SLC24A3: variants seen among roughly 807,000 people sequenced by gnomAD.
SLC24A3 encodes the protein solute carrier family 24 member 3, also known as sodium/potassium/calcium exchanger 3.
SLC24A3 carries 28 observed loss-of-function variants against 75.8 expected under a neutral mutation model. That is an observed-to-expected ratio of 0.37 (90% confidence interval 0.27 to 0.51). The LOEUF is 0.51. Among genes scored for constraint, SLC24A3 ranks in the 20% least tolerant of loss-of-function variants. The probability of loss-of-function intolerance (pLI) is 0.94; values close to 1 mark genes in which losing one functional copy is unlikely to be tolerated. For missense variants in SLC24A3, 663 were observed against 847.8 expected, an observed-to-expected ratio of 0.78 and a Z score of 2.71; for synonymous variants, 372 against 334.1, an observed-to-expected ratio of 1.11 and a Z score of -1.24.
At chr20:19,559,381 G>T (rs2030838438) in intron 3 of SLC24A3, among the ~76,000 whole-genome samples, 1 of 152,162 alleles carries the variant, frequency 6.6e-6, no homozygotes, top group African/African-American at 2.4e-5. Flanking sequence ...TACATAGCTT[G>T]TGCTTATTTT....
At chr20:19,342,653 C>CT (rs1235863367) in intron 2 of SLC24A3, among the ~76,000 whole-genome samples, 3 of 152,176 alleles carry the variant, frequency 2.0e-5, no homozygotes, top group African/African-American at 4.8e-5. Flanking sequence ...GAAGGAGTGT[C>CT]TTTTTATTTT....
intron 3 of SLC24A3, among the ~76,000 whole-genome samples, chr20:19,561,044 C>T (rs766310229): frequency 9.9e-5 from 15 of 152,160 alleles, no homozygotes; most frequent in Non-Finnish European, 1.9e-4. Context: ...GCATCTTGAG[C>T]TCCTGTAAGC....
intron 1 of SLC24A3, among the ~76,000 whole-genome samples, chr20:19,228,642 C>T (rs1981934473): frequency 6.7e-6 from 1 of 148,980 alleles, no homozygotes; most frequent in African/African-American, 2.5e-5. Flanking sequence ...TAGACTCCGT[C>T]TCAAAAAAAA....
chr20:19,326,353 T>G (rs1470643931), intron 2 of SLC24A3, among the ~76,000 whole-genome samples: 1 of 152,016 alleles, frequency 6.6e-6, no homozygotes, highest in African/African-American at 2.4e-5. Flanking sequence ...GGGGACTTGA[T>G]GGGGACTATG....
intron 7 of SLC24A3, among the ~76,000 whole-genome samples, chr20:19,659,630 C>T (rs1030365752): frequency 3.9e-5 from 6 of 152,194 alleles, no homozygotes; most frequent in African/African-American, 1.4e-4. Flanking sequence ...GTGAGTCCCA[C>T]GTTAGAGATG....
chr20:19,697,119 C>T (rs1192913531), intron 14 of SLC24A3, among the ~76,000 whole-genome samples: 1 of 151,900 alleles, frequency 6.6e-6, no homozygotes, highest in Non-Finnish European at 1.5e-5. Context: ...CTGGGGGACC[C>T]ACCTGGTAAT....
Position 19,281,039 on chromosome 20 carries a change from A to C in SLC24A3, c.223A>C (p.Thr75Pro). The C allele has an allele frequency of 6.2e-7, 1 of 1,614,164 alleles. No homozygotes were observed. Among genetic ancestry groups the C allele is most frequent in the Non-Finnish European group, 8.5e-7 (1 of 1,180,024 alleles). The change falls in exon 2 of 17, where the codon ACT (threonine) becomes CCT (proline). Residue 75 changes from threonine (T) to proline (P), a missense_variant. Thr to Pro is a conservative substitution (Grantham distance 38, BLOSUM62 -1). This residue lies in a region of SLC24A3 where 153 missense variants were observed against 144.2 expected (regional missense o/e 1.06). Coordinates refer to ENST00000328041, the MANE Select transcript of SLC24A3 (RefSeq NM_020689.4). Reference sequence around the variant, plus strand: ...GCTGATGCAGGTGAACGACACTCTGACTTCCGAAGATGCCGGACTCCGGAA... The same window carrying C: ...GCTGATGCAGGTGAACGACACTCTGCCTTCCGAAGATGCCGGACTCCGGAA... ...RKLMQVNDTLTSEDAGLRNSK... is the reference protein window; with the variant it reads ...RKLMQVNDTLPSEDAGLRNSK...
chr20:19,262,814 A>G (rs1428317468), intron 1 of SLC24A3, among the ~76,000 whole-genome samples: 1 of 152,110 alleles, frequency 6.6e-6, no homozygotes, highest in African/African-American at 2.4e-5. Context: ...TCTGAATGTA[A>G]TACAGCTCTA....
At chr20:19,326,458 G>A (rs976278714) in intron 2 of SLC24A3, among the ~76,000 whole-genome samples, 1 of 152,188 alleles carries the variant, frequency 6.6e-6, no homozygotes, top group Non-Finnish European at 1.5e-5. Flanking sequence ...GGAAGCCAGA[G>A]GGGAAAGGAG....
At chr20:19,309,292 T>C (rs1381337345) in intron 2 of SLC24A3, among the ~76,000 whole-genome samples, 1 of 152,226 alleles carries the variant, frequency 6.6e-6, no homozygotes, top group Non-Finnish European at 1.5e-5. Flanking sequence ...TCACTGAATA[T>C]GGGCTTCCTC....
chr20:19,388,742 TC>T (rs1237072105), intron 2 of SLC24A3, among the ~76,000 whole-genome samples: 1 of 152,244 alleles, frequency 6.6e-6, no homozygotes, highest in Non-Finnish European at 1.5e-5. Context: ...TCTTTTTCCA[TC>T]TTTTCACTTT....
At chr20:19,491,732 A>G (rs1988211879) in intron 2 of SLC24A3, among the ~76,000 whole-genome samples, 1 of 152,206 alleles carries the variant, frequency 6.6e-6, no homozygotes, top group Non-Finnish European at 1.5e-5. Flanking sequence ...ATGCTGGGAA[A>G]GGAGTGGGAG....
At chr20:19,404,205 G>T (rs1600467036) in intron 2 of SLC24A3, among the ~76,000 whole-genome samples, 1 of 152,144 alleles carries the variant, frequency 6.6e-6, no homozygotes, top group South Asian at 2.1e-4. Context: ...TGTGTGTCAG[G>T]TACTCTCCTG....
intron 2 of SLC24A3, among the ~76,000 whole-genome samples, chr20:19,466,682 C>T (rs1486159603): frequency 1.4e-5 from 2 of 147,050 alleles, no homozygotes; most frequent in East Asian, 3.9e-4. Context: ...TAGGGGCTTT[C>T]AGTTTCTGAG....
rs1327226297 is a variant in SLC24A3 at position 19,452,912 on chromosome 20, G to A, written c.272-62576G>A. On this transcript the variant is annotated intron_variant, in intron 2 of 16. Transcript: ENST00000328041. ...AATATTAGCCACCTGTACCAGGCGC[G>A]GTGGCTCACGCCTATAATCCCAGCA... Among the ~76,000 whole-genome samples, 5 of 152,202 alleles carry A rather than the reference G, an allele frequency of 3.3e-5. No homozygotes were observed. In the East Asian group the frequency reaches 5.8e-4, roughly 18 times the overall value.
chr20:19,538,656 C>T lies in SLC24A3; in HGVS notation c.348+23092C>T, dbSNP rs77743118. 6.1e-3 allele frequency among the ~76,000 whole-genome samples: 932 copies of T among 152,274 alleles called. 10 individuals are homozygous for T. The highest frequency in any genetic ancestry group is 0.021 in the African/African-American group (875 of 41,538). ...GTATCTAAATAAAGCAACTGGAATT[C>T]TCATCTGCTTCTGGAGGAACATAAA... On this transcript the variant is annotated intron_variant, in intron 3 of 16. Transcript: ENST00000328041.
At chr20:19,445,304 C>T (rs1484037433) in intron 2 of SLC24A3, among the ~76,000 whole-genome samples, 1 of 152,148 alleles carries the variant, frequency 6.6e-6, no homozygotes, top group Non-Finnish European at 1.5e-5. Flanking sequence ...CCTACATCAA[C>T]AATGTGGACC....
intron 10 of SLC24A3, among the ~76,000 whole-genome samples, chr20:19,682,746 C>A (rs2032629369): frequency 6.6e-6 from 1 of 152,152 alleles, no homozygotes; most frequent in South Asian, 2.1e-4. Flanking sequence ...ATTACTAGAT[C>A]CAAATTCACT....
intron 2 of SLC24A3, among the ~76,000 whole-genome samples, chr20:19,438,333 G>A (rs752116212): frequency 2.0e-5 from 3 of 152,164 alleles, no homozygotes; most frequent in Admixed American, 6.5e-5. Flanking sequence ...TTGTACAGCC[G>A]TTATTTCTGA....
Sources: gnomAD v4.1 joint callset for allele counts (sites outside exome capture counted in the v4.1 genomes callset) on GRCh38, gnomAD v4.1.1 for gene constraint, gnomAD v4.1.1 regional missense constraint, MANE v1.5 for transcripts, NCBI Gene and HGNC (gene_info 2026-07-23, HGNC 2026-07-21) for gene names.